Variants in KLHL1 observed in about 807,000 individuals in gnomAD.
The protein encoded by KLHL1 is kelch-like protein 1.
In KLHL1, 47 loss-of-function variants were observed where a neutral mutation model predicts 77.7. The ratio of observed to expected loss-of-function variants is 0.60; its 90% CI spans 0.48 to 0.77. The LOEUF is 0.77. KLHL1 is among the 30% of genes least tolerant of loss of function. The pLI, the probability that KLHL1 is intolerant of heterozygous loss-of-function variation, is 0.00. For missense variants in KLHL1, 925 were observed against 910.8 expected, an observed-to-expected ratio of 1.02 and a Z score of -0.20; for synonymous variants, 360 against 325.2, an observed-to-expected ratio of 1.11 and a Z score of -1.15.
At chr13:69,776,306 A>G (rs1479584484) in intron 7 of KLHL1, among the ~76,000 whole-genome samples, 3 of 152,236 alleles carry the variant, frequency 2.0e-5, no homozygotes, top group African/African-American at 7.2e-5. Context: ...ACAAATAATC[A>G]AAAGGGGGTA....
At chr13:70,034,365 T>C (rs552759654) in intron 1 of KLHL1, among the ~76,000 whole-genome samples, 1 of 152,302 alleles carries the variant, frequency 6.6e-6, no homozygotes, top group East Asian at 1.9e-4. Context: ...AACTAGATTC[T>C]TTAGGTCAGA....
chr13:70,094,402 T>TATATATATATATATATATATATAG, intron 1 of KLHL1, among the ~76,000 whole-genome samples: 1 of 150,504 alleles, frequency 6.6e-6, no homozygotes, highest in African/African-American at 2.5e-5. Flanking sequence ...TTTATATATA[T>TATATATATATATATATATATATAG]ATATATATGA....
chr13:70,055,115 C>G (rs919820314), intron 1 of KLHL1, among the ~76,000 whole-genome samples: 2 of 151,886 alleles, frequency 1.3e-5, no homozygotes, highest in African/African-American at 4.8e-5. Flanking sequence ...GAAATTATCT[C>G]AAGACATTTA....
At position 69,940,159 on chromosome 13, in the gene KLHL1, CCA is replaced by C; in HGVS notation, c.893_894del (p.Val298GlyfsTer15). On this transcript the variant is annotated frameshift_variant, in exon 4 of 11. Transcript: ENST00000377844. LOFTEE classifies it high-confidence loss of function. Reference protein sequence around the residue: ...AACLLQLPQVVEVCCHFLMKL... With the variant: ...AACLLQLPQVXEVCCHFLMKL... Reference sequence around the variant, plus strand: ...TTCATGAGGAAGTGGCAGCACACTTCCACCACCTGTGGAAGCTGAAGAAGGCA... The same window carrying C: ...TTCATGAGGAAGTGGCAGCACACTTCCCACCTGTGGAAGCTGAAGAAGGCA... The C allele has an allele frequency of 6.2e-7, 1 of 1,612,638 alleles. No homozygotes were observed. Among genetic ancestry groups the C allele is most frequent in the Non-Finnish European group, 8.5e-7 (1 of 1,179,424 alleles).
chr13:69,982,479 T>A lies in KLHL1; in HGVS notation c.498-6677A>T, dbSNP rs149545474. Among the ~76,000 whole-genome samples, 97 of 142,038 alleles carry A rather than the reference T, an allele frequency of 6.8e-4. 1 individual carries two copies. In the Middle Eastern group the frequency reaches 0.015, roughly 22 times the overall value. 93.2% of individuals were successfully genotyped at this position (142,038 alleles called of 152,430 possible). On this transcript the variant is annotated intron_variant, in intron 1 of 10. Transcript: ENST00000377844. Reference sequence around the variant, plus strand: ...ATAATAATAATAATAATAATAATAATAAAATAAAAAGCAATAAATCAAAAC... The same window carrying A: ...ATAATAATAATAATAATAATAATAAAAAAATAAAAAGCAATAAATCAAAAC...
chr13:69,790,438 A>G (rs1021317179), intron 7 of KLHL1, among the ~76,000 whole-genome samples: 3 of 152,174 alleles, frequency 2.0e-5, no homozygotes, highest in Admixed American at 2.0e-4. Flanking sequence ...ACATTTCCCA[A>G]TTCATCCATG....
At chr13:69,711,106 T>C (rs1875855505) in intron 9 of KLHL1, among the ~76,000 whole-genome samples, 2 of 152,268 alleles carry the variant, frequency 1.3e-5, no homozygotes, top group East Asian at 3.9e-4. Context: ...TTAGTGTCAT[T>C]TTCATACTTT....
At chr13:69,825,742 A>C (rs1376145258) in intron 6 of KLHL1, among the ~76,000 whole-genome samples, 4 of 152,124 alleles carry the variant, frequency 2.6e-5, no homozygotes, top group Middle Eastern at 3.2e-3. Context: ...TAAAGTTTCA[A>C]CTAAGGTAGT....
chr13:69,720,895 T>C (rs1043694741), intron 8 of KLHL1, among the ~76,000 whole-genome samples: 26 of 147,700 alleles, frequency 1.8e-4, no homozygotes, highest in African/African-American at 6.2e-4. Flanking sequence ...ATAGTGGTTT[T>C]TGAATAGAGG....
At chr13:70,061,759 C>CT (rs1188688157) in intron 1 of KLHL1, among the ~76,000 whole-genome samples, 1 of 152,064 alleles carries the variant, frequency 6.6e-6, no homozygotes, top group African/African-American at 2.4e-5. Flanking sequence ...CACAGTTTCT[C>CT]TTTTTTTGTG....
At chr13:69,851,711 T>C (rs1177199151) in intron 5 of KLHL1, among the ~76,000 whole-genome samples, 1 of 151,748 alleles carries the variant, frequency 6.6e-6, no homozygotes, top group East Asian at 1.9e-4. Context: ...CCTATGTCCC[T>C]GTTCTCTATT....
intron 6 of KLHL1, among the ~76,000 whole-genome samples, chr13:69,817,848 A>AT (rs1878181065): frequency 3.9e-5 from 6 of 152,272 alleles, no homozygotes; most frequent in Non-Finnish European, 7.4e-5. Context: ...TAGCACATGA[A>AT]TTTTTTATTC....
At chr13:69,890,442 G>A (rs1215088146) in intron 4 of KLHL1, among the ~76,000 whole-genome samples, 2 of 151,792 alleles carry the variant, frequency 1.3e-5, no homozygotes, top group East Asian at 1.9e-4. Flanking sequence ...TGATTACCCG[G>A]TAATTATTTT....
chr13:69,736,663 G>T (rs1431686968), intron 8 of KLHL1, among the ~76,000 whole-genome samples: 1 of 147,162 alleles, frequency 6.8e-6, no homozygotes, highest in African/African-American at 2.5e-5. Flanking sequence ...TTAGTGATTG[G>T]ATAAAGAGAT....
At chr13:69,817,523 A>G (rs562776835) in intron 6 of KLHL1, among the ~76,000 whole-genome samples, 1 of 152,322 alleles carries the variant, frequency 6.6e-6, no homozygotes, top group East Asian at 1.9e-4. Flanking sequence ...TTAGTGCCAC[A>G]TTAGGTGACT....
At chr13:69,925,671 A>C (rs1255088596) in intron 4 of KLHL1, among the ~76,000 whole-genome samples, 1 of 39,768 alleles carries the variant, frequency 2.5e-5, no homozygotes, top group Non-Finnish European at 1.3e-4. Flanking sequence ...CCCTCTGAAA[A>C]AAATAAACTC....
chr13:69,925,326 T>C (rs1164289612), intron 4 of KLHL1, among the ~76,000 whole-genome samples: 2 of 152,180 alleles, frequency 1.3e-5, no homozygotes, highest in Non-Finnish European at 2.9e-5. Context: ...TACAGCACTA[T>C]TAGGATGAAA....
intron 1 of KLHL1, among the ~76,000 whole-genome samples, chr13:69,978,794 A>C (rs1023411593): frequency 6.6e-6 from 1 of 152,180 alleles, no homozygotes; most frequent in Non-Finnish European, 1.5e-5. Context: ...GCCTGGGCAG[A>C]AATTTTTAAT....
At chr13:69,984,966 C>T (rs961950586) in intron 1 of KLHL1, among the ~76,000 whole-genome samples, 3 of 152,126 alleles carry the variant, frequency 2.0e-5, no homozygotes, top group Non-Finnish European at 4.4e-5. Flanking sequence ...GAAAAATTAG[C>T]CAGGCATGGT....
Sources: gnomAD v4.1 joint callset for allele counts (sites outside exome capture counted in the v4.1 genomes callset) on GRCh38, gnomAD v4.1.1 for gene constraint, MANE v1.5 for transcripts, NCBI Gene and HGNC (gene_info 2026-07-23, HGNC 2026-07-21) for gene names.